TNFRSF17: variants seen among roughly 807,000 people sequenced by gnomAD.
TNFRSF17 encodes the protein TNF receptor superfamily member 17.
TNFRSF17 carries 13 observed loss-of-function variants against 9.9 expected under a neutral mutation model. The ratio of observed to expected loss-of-function variants is 1.31; its 90% CI spans 0.85 to 2.08. The LOEUF (loss-of-function observed/expected upper bound fraction) is 2.08, where lower values mean the gene tolerates loss of function less well. Ranked by LOEUF, TNFRSF17 falls within the 30% of genes most tolerant of loss-of-function variation. The probability of loss-of-function intolerance (pLI) is 0.00; values close to 1 mark genes in which losing one functional copy is unlikely to be tolerated. For missense variants in TNFRSF17, 305 were observed against 225.8 expected, an observed-to-expected ratio of 1.35 and a Z score of -2.25; for synonymous variants, 99 against 83.7, an observed-to-expected ratio of 1.18 and a Z score of -1.00.
Position 11,967,388 on chromosome 16 carries a change from C to A in TNFRSF17, c.278-182C>A, listed in dbSNP as rs930507327. Among the ~76,000 whole-genome samples, 5 of 152,096 alleles carry A rather than the reference C, an allele frequency of 3.3e-5. No individual in the cohort carries two copies. In the East Asian group the frequency reaches 7.7e-4, roughly 23 times the overall value. On this transcript the variant is annotated intron_variant, in intron 2 of 2. Coordinates refer to ENST00000053243, the MANE Select transcript of TNFRSF17 (RefSeq NM_001192.3). ...TAGTCCCGACTGCTCTGTAGGCTAA[C>A]GTGGGAGGATTGCTTGAGCCCAGGA...
rs750169105 is a variant in TNFRSF17 at position 11,967,730 on chromosome 16, C to T, written c.438C>T (p.Leu146=). The change falls in exon 3 of 3, where the codon CTC becomes CTT. Residue 146 remains leucine (L), a synonymous_variant. Coordinates refer to ENST00000053243, the MANE Select transcript of TNFRSF17 (RefSeq NM_001192.3). ...PKVDSDHCFP[L]PAMEEGATIL... is the part of the protein sequence containing the mutation. ...TCGACTCTGACCATTGCTTTCCACT[C>T]CCAGCTATGGAGGAAGGCGCAACCA... 1.4e-5 allele frequency: 22 copies of T among 1,614,090 alleles called. No individual in the cohort carries two copies. The highest frequency in any genetic ancestry group is 2.2e-5 in the East Asian group (1 of 44,894).
Position 11,965,474 on chromosome 16 carries a change from C to G in TNFRSF17, c.130+20C>G. 6.2e-7 allele frequency: 1 copy of G among 1,612,412 alleles called. No homozygotes were observed. Among genetic ancestry groups the G allele is most frequent in the East Asian group, 2.2e-5 (1 of 44,860 alleles). ...ATGCAAGTAAGTAATATTGCTTGAA[C>G]GATTATTCATTGGTGTGAACTATTC... On this transcript the variant is annotated intron_variant, in intron 1 of 2. Coordinates refer to ENST00000053243, the MANE Select transcript of TNFRSF17 (RefSeq NM_001192.3).
intron 1 of TNFRSF17, 48 bp downstream of exon 1, chr16:11,965,502 T>C (rs370807058): frequency 6.3e-7 from 1 of 1,591,736 alleles, no homozygotes; most frequent in Non-Finnish European, 8.6e-7. Context: ...AACTATTCTG[T>C]CTATATGGAC....
chr16:11,966,154 T>G, intron 1 of TNFRSF17, 41 bp from the exon 2 acceptor site: 1 of 1,542,324 alleles, frequency 6.5e-7, no homozygotes, highest in East Asian at 2.3e-5. Context: ...GTGAATATTA[T>G]GTTATCAGCT....
At chr16:11,966,129 A>C in intron 1 of TNFRSF17, 66 bp from the exon 2 acceptor site, 1 of 1,446,724 alleles carries the variant, frequency 6.9e-7, no homozygotes. Flanking sequence ...TAAATAAATA[A>C]TAACAATAAA....
At chr16:11,966,134 A>G in intron 1 of TNFRSF17, 61 bp from the exon 2 acceptor site, 1 of 1,475,164 alleles carries the variant, frequency 6.8e-7, no homozygotes, top group Non-Finnish European at 9.2e-7. Context: ...AAATAATAAC[A>G]ATAAAGTATG....
Position 11,967,856 on chromosome 16 carries a change from T to A in TNFRSF17, c.*9T>A. ...CAATTTCTGCTAGGTAATTAACCAT[T>A]TCGACTCGAGCAGTGCCACTTTAAA... On this transcript the variant is annotated 3_prime_UTR_variant, in exon 3 of 3. Transcript: ENST00000053243. 1 of 1,611,370 alleles carries A rather than the reference T, an allele frequency of 6.2e-7. No homozygotes were observed. Among genetic ancestry groups the A allele is most frequent in the Non-Finnish European group, 8.5e-7 (1 of 1,178,026 alleles).
intron 1 of TNFRSF17, among the ~76,000 whole-genome samples, chr16:11,965,782 C>G (rs939305269): frequency 6.6e-6 from 1 of 152,120 alleles, no homozygotes; most frequent in African/African-American, 2.4e-5. Context: ...GCTATCAAAA[C>G]AATCCATAAT....
chr16:11,966,101 A>G lies in TNFRSF17; in HGVS notation c.131-94A>G, dbSNP rs552521690. ...ACTCTAGCCTGGGCAACAGAGCAAG[A>G]CTTTGTCTCAAAATAAATAAATAAA... is the stretch of plus-strand genomic sequence containing the variant. On this transcript the variant is annotated intron_variant, in intron 1 of 2. Transcript: ENST00000053243. 3.7e-6 allele frequency: 5 copies of G among 1,345,274 alleles called. No homozygotes were observed. In the East Asian group the frequency reaches 1.1e-4, roughly 28 times the overall value. The allele number at this position is 1,345,274 out of a possible 1,614,324, so 83.3% of individuals were successfully genotyped here.
rs767893828 is a variant in TNFRSF17 at position 11,967,707 on chromosome 16, G to A, written c.415G>A (p.Asp139Asn). The change falls in exon 3 of 3, where the codon GAC (aspartate) becomes AAC (asparagine). Residue 139 changes from aspartate to asparagine, a missense_variant. Physicochemically the swap from Asp to Asn is conservative, Grantham distance 23. Coordinates refer to ENST00000053243, the MANE Select transcript of TNFRSF17 (RefSeq NM_001192.3). ...EDCIKSKPKV[D>N]SDHCFPLPAM... ...CTGCATCAAGAGCAAACCGAAGGTC[G>A]ACTCTGACCATTGCTTTCCACTCCC... The A allele has an allele frequency of 6.2e-6, 10 of 1,614,048 alleles. No homozygotes were observed. Among genetic ancestry groups the A allele is most frequent in the Middle Eastern group, 1.6e-4 (1 of 6,084 alleles).
Position 11,965,358 on chromosome 16 carries a change from G to T in TNFRSF17, c.34G>T (p.Glu12Ter). 6.2e-7 allele frequency: 1 copy of T among 1,614,154 alleles called. No individual in the cohort carries two copies. Reference protein sequence around the residue: ...LQMAGQCSQNEYFDSLLHACI... With the variant: ...LQMAGQCSQN ...GATGGCTGGGCAGTGCTCCCAAAAT[G>T]AATATTTTGACAGTTTGTTGCATGC... Residue 12 changes from glutamate (E) to a stop codon, truncating the protein, a stop_gained, in exon 1 of 3, where the codon GAA (glutamate) becomes TAA (stop). Coordinates refer to ENST00000053243, the MANE Select transcript of TNFRSF17 (RefSeq NM_001192.3). LOFTEE classifies it high-confidence loss of function.
intron 2 of TNFRSF17, 65 bp from the exon 3 acceptor site, chr16:11,967,505 C>T: frequency 6.6e-7 from 1 of 1,522,298 alleles, no homozygotes; most frequent in East Asian, 2.3e-5. Context: ...ATGTGTACTG[C>T]TAAGACTCTC....
intron 2 of TNFRSF17, 129 bp from the exon 3 acceptor site, chr16:11,967,441 A>G (rs944633079): frequency 3.2e-6 from 3 of 933,564 alleles, no homozygotes; most frequent in Non-Finnish European, 4.8e-6. Context: ...GCAACACAGT[A>G]AGACCCCACC....
intron 1 of TNFRSF17, 63 bp downstream of exon 1, chr16:11,965,517 T>C: frequency 6.6e-7 from 1 of 1,525,770 alleles, no homozygotes; most frequent in East Asian, 2.3e-5. Context: ...ATGGACTGCT[T>C]ATTCAGAGAA....
At position 11,967,552 on chromosome 16, in the gene TNFRSF17, C is replaced by T; in HGVS notation, c.278-18C>T. 4 of 1,602,584 alleles carry T rather than the reference C, an allele frequency of 2.5e-6. No individual in the cohort carries two copies. The highest frequency in any genetic ancestry group is 3.4e-6 in the Non-Finnish European group (4 of 1,172,374). ...CTCTGTGAAGTTTGGGTTAATGTTT[C>T]CGTTTCTACATAATTAGGATCAGGT... On this transcript the variant is annotated intron_variant, in intron 2 of 2. Transcript: ENST00000053243.
At chr16:11,966,026 G>A (rs1043800766) in intron 1 of TNFRSF17, among the ~76,000 whole-genome samples, 169 bp from the exon 2 acceptor site, 72 of 152,164 alleles carry the variant, frequency 4.7e-4, no homozygotes, top group African/African-American at 1.7e-3. Flanking sequence ...CAGGAGAATT[G>A]TTTGAACTTG....
In TNFRSF17 at chr16:11,965,318, T is replaced by C. The variant is rs1376609306; in HGVS notation, c.-7T>C. ...TTCTGTAGCTCCCTTGTTTTCTTTT[T>C]GTGATCATGTTGCAGATGGCTGGGC... On this transcript the variant is annotated 5_prime_UTR_variant, in exon 1 of 3. Transcript: ENST00000053243. The C allele has an allele frequency of 6.2e-7, 1 of 1,614,166 alleles. No individual in the cohort carries two copies. Among genetic ancestry groups the C allele is most frequent in the South Asian group, 1.1e-5 (1 of 91,080 alleles).
rs925058433 is a variant in TNFRSF17, at chr16:11,966,414, T to C, written c.277+73T>C. 7 of 1,482,054 alleles carry C rather than the reference T, an allele frequency of 4.7e-6. No homozygotes were observed. The African/African-American group carries it at 8.5e-5, about 18-fold the overall frequency. The allele number at this position is 1,482,054 out of a possible 1,614,324, so 91.8% of individuals were successfully genotyped here. On this transcript the variant is annotated intron_variant, in intron 2 of 2. Transcript: ENST00000053243. Reference sequence around the variant, plus strand: ...TTGTGAGTTTCAGTTCCTTTTCTTTTTTTAGCGTTGACTATTTCACTTCGT... The same window carrying C: ...TTGTGAGTTTCAGTTCCTTTTCTTTCTTTAGCGTTGACTATTTCACTTCGT...
Position 11,967,621 on chromosome 16 carries a change from G to T in TNFRSF17, c.329G>T (p.Gly110Val). The change falls in exon 3 of 3, where the codon GGT becomes GTT. Residue 110 changes from glycine (G) to valine (V), a missense_variant. Coordinates refer to ENST00000053243, the MANE Select transcript of TNFRSF17 (RefSeq NM_001192.3). ...ATTGACCTGGAAAAGAGCAGGACTG[G>T]TGATGAAATTATTCTTCCGAGAGGC... ...ANIDLEKSRT[G>V]DEIILPRGLE... The T allele has an allele frequency of 6.2e-7, 1 of 1,614,216 alleles. No homozygotes were observed.
Sources: gnomAD v4.1 joint callset for allele counts (sites outside exome capture counted in the v4.1 genomes callset) on GRCh38, gnomAD v4.1.1 for gene constraint, MANE v1.5 for transcripts, NCBI Gene and HGNC (gene_info 2026-07-23, HGNC 2026-07-21) for gene names.